Variants in CCDC178 observed in about 807,000 individuals in gnomAD.
The protein encoded by CCDC178 is coiled-coil domain-containing protein 178.
In CCDC178, 126 loss-of-function variants were observed where a neutral mutation model predicts 117.4. The observed-to-expected ratio is 1.07, with a 90% CI of 0.93 to 1.24. The LOEUF is 1.24. Among genes scored for constraint, CCDC178 ranks in the 50% most tolerant of loss-of-function variants. The pLI is 0.00. For synonymous variants in CCDC178, 283 were observed against 313.4 expected (o/e 0.90, Z 1.02); for missense variants, 1,030 against 986.9 (o/e 1.04, Z -0.59).
At chr18:33,403,562 G>C (rs2144869863) in intron 3 of CCDC178, among the ~76,000 whole-genome samples, 1 of 151,250 alleles carries the variant, frequency 6.6e-6, no homozygotes, top group African/African-American at 2.4e-5. Context: ...AAATCAGTTT[G>C]GATACTACAG....
intron 2 of CCDC178, among the ~76,000 whole-genome samples, chr18:33,432,007 G>A (rs1320449537): frequency 6.6e-6 from 1 of 152,174 alleles, no homozygotes; most frequent in Admixed American, 6.5e-5. Flanking sequence ...CCAGATTTTG[G>A]AGACATGACT....
intron 22 of CCDC178, among the ~76,000 whole-genome samples, chr18:32,948,568 T>C (rs1047036768): frequency 1.3e-5 from 2 of 152,092 alleles, no homozygotes; most frequent in African/African-American, 2.4e-5. Flanking sequence ...ATTTTCTATA[T>C]GGATAAGCAT....
At chr18:33,219,672 A>G (rs2059207773) in intron 18 of CCDC178, among the ~76,000 whole-genome samples, 1 of 152,072 alleles carries the variant, frequency 6.6e-6, no homozygotes, top group African/African-American at 2.4e-5. Context: ...AACTATCACA[A>G]GGACAGAAAA....
At chr18:33,096,339 T>G (rs1281915107) in intron 20 of CCDC178, among the ~76,000 whole-genome samples, 1 of 107,934 alleles carries the variant, frequency 9.3e-6, no homozygotes, top group Non-Finnish European at 1.8e-5. Flanking sequence ...AATATAAAAT[T>G]TTTATATTTT....
intron 20 of CCDC178, among the ~76,000 whole-genome samples, chr18:33,203,140 G>A (rs2059011983): frequency 6.6e-6 from 1 of 151,948 alleles, no homozygotes; most frequent in African/African-American, 2.4e-5. Flanking sequence ...ATTAATTCAA[G>A]TCCTGAGATT....
At chr18:32,968,304 T>C (rs563814577) in intron 22 of CCDC178, among the ~76,000 whole-genome samples, 2 of 152,198 alleles carry the variant, frequency 1.3e-5, no homozygotes, top group East Asian at 1.9e-4. Context: ...GGTTCACTTA[T>C]GTTGTCTCAA....
rs1416918654 is a variant in CCDC178, at chr18:32,991,272, A to G, written c.2389-16591T>C. ...GCACTTGATAAATGTTTGCCGGGCA[A>G]ATTAAACAGTTAAATTTAGGTATTG... On this transcript the variant is annotated intron_variant, in intron 21 of 22. Coordinates refer to ENST00000383096, the MANE Select transcript of CCDC178 (RefSeq NM_001105528.4). Among the ~76,000 whole-genome samples the G allele has an allele frequency of 2.6e-5, 4 of 152,134 alleles. No homozygotes were observed. The East Asian group carries it at 7.7e-4, about 29-fold the overall frequency.
At chr18:33,226,111 A>C (rs769371929) in intron 16 of CCDC178, among the ~76,000 whole-genome samples, 1 of 152,224 alleles carries the variant, frequency 6.6e-6, no homozygotes, top group Non-Finnish European at 1.5e-5. Context: ...TGGTGAGCCA[A>C]GATCGTGCCA....
chr18:33,050,241 C>A (rs1448432846), intron 21 of CCDC178, among the ~76,000 whole-genome samples: 1 of 152,046 alleles, frequency 6.6e-6, no homozygotes, highest in Non-Finnish European at 1.5e-5. Context: ...TAGATGGGTT[C>A]ATTTTCTTAT....
At chr18:33,176,459 C>G (rs755357651) in intron 20 of CCDC178, among the ~76,000 whole-genome samples, 1 of 152,090 alleles carries the variant, frequency 6.6e-6, no homozygotes, top group Non-Finnish European at 1.5e-5. Context: ...GATTTACTCT[C>G]TATATTTCAC....
At chr18:33,049,785 A>T (rs1567956178) in intron 21 of CCDC178, among the ~76,000 whole-genome samples, 1 of 152,164 alleles carries the variant, frequency 6.6e-6, no homozygotes, top group Non-Finnish European at 1.5e-5. Context: ...AATACTTTAA[A>T]ATATTTTAAG....
chr18:33,237,600 C>G (rs763438150), intron 15 of CCDC178, among the ~76,000 whole-genome samples: 3 of 151,724 alleles, frequency 2.0e-5, no homozygotes. Flanking sequence ...ATCTGCATGC[C>G]CATGTTCTAG....
chr18:33,368,221 T>C (rs983630671), intron 6 of CCDC178, among the ~76,000 whole-genome samples: 4 of 152,094 alleles, frequency 2.6e-5, no homozygotes, highest in African/African-American at 7.2e-5. Flanking sequence ...ACAATAAATA[T>C]TTATTAAATG....
At position 33,165,984 on chromosome 18, in the gene CCDC178, G is replaced by A. The variant is rs185586801; in HGVS notation, c.2238+45912C>T. ...ATTACAGTTCACCATACAAGTGCCTGGCAGTGAGAAACACAGTGAGTACTT... is the reference window on the plus strand; with the variant it reads ...ATTACAGTTCACCATACAAGTGCCTAGCAGTGAGAAACACAGTGAGTACTT... On this transcript the variant is annotated intron_variant, in intron 20 of 22. Coordinates refer to ENST00000383096, the MANE Select transcript of CCDC178 (RefSeq NM_001105528.4). Among the ~76,000 whole-genome samples the A allele has an allele frequency of 7.9e-5, 12 of 152,266 alleles. No individual in the cohort carries two copies. In the East Asian group the frequency reaches 1.9e-3, roughly 25 times the overall value.
At chr18:33,430,614 G>A (rs1036374432) in intron 2 of CCDC178, among the ~76,000 whole-genome samples, 1 of 152,016 alleles carries the variant, frequency 6.6e-6, no homozygotes, top group African/African-American at 2.4e-5. Context: ...GGATCCCTAC[G>A]CCACTCCTTC....
intron 20 of CCDC178, among the ~76,000 whole-genome samples, chr18:33,128,461 C>T (rs2058034177): frequency 6.6e-6 from 1 of 152,022 alleles, no homozygotes; most frequent in Admixed American, 6.6e-5. Flanking sequence ...ATTAAAGCAT[C>T]CAATTATTCT....
chr18:32,943,858 A>G (rs1023552304), intron 22 of CCDC178, among the ~76,000 whole-genome samples: 18 of 152,246 alleles, frequency 1.2e-4, no homozygotes, highest in African/African-American at 4.3e-4. Context: ...TCAACCAGAT[A>G]TATTTGGGAA....
chr18:33,392,142 GGCATAA>G (rs1183308983), intron 4 of CCDC178, among the ~76,000 whole-genome samples: 1 of 152,064 alleles, frequency 6.6e-6, no homozygotes, highest in African/African-American at 2.4e-5. Context: ...TGGCATTGCA[GGCATAA>G]GCCACCATGC....
At chr18:33,175,155 C>T (rs1471232121) in intron 20 of CCDC178, among the ~76,000 whole-genome samples, 1 of 151,900 alleles carries the variant, frequency 6.6e-6, no homozygotes, top group East Asian at 1.9e-4. Flanking sequence ...GGATTACAGG[C>T]GTAAGCCACC....
Sources: allele counts gnomAD v4.1 joint callset (sites outside exome capture counted in the v4.1 genomes callset), GRCh38; gene constraint gnomAD v4.1.1; transcripts MANE v1.5; gene names NCBI Gene and HGNC (gene_info 2026-07-23, HGNC 2026-07-21).